The following MED12L variants were observed in gnomAD, a reference collection of about 807,000 sequenced individuals.
The protein encoded by MED12L is mediator complex subunit 12L.
Under a neutral mutation model 281.3 loss-of-function variants are expected in MED12L, and 60 were observed. The ratio of observed to expected loss-of-function variants is 0.21; its 90% CI spans 0.17 to 0.26. The LOEUF (loss-of-function observed/expected upper bound fraction) is 0.26, where lower values mean the gene tolerates loss of function less well. Ranked by LOEUF, MED12L falls within the 10% of genes least tolerant of loss-of-function variation. The pLI is 1.00. For missense variants in MED12L, 2,146 were observed against 2,680.9 expected (o/e 0.80, Z 4.41); for synonymous variants, 974 against 987.2 (o/e 0.99, Z 0.25).
At chr3:151,166,027 T>C (rs1463701737) in intron 11 of MED12L, 45 bp downstream of exon 11, 1 of 1,532,858 alleles carries the variant, frequency 6.5e-7, no homozygotes, top group African/African-American at 1.4e-5. Flanking sequence ...ATTTTCATAG[T>C]GTTTTTTTCT....
chr3:151,357,433 T>C lies in MED12L; in HGVS notation c.2825+57T>C. 6 of 1,451,398 alleles carry C rather than the reference T, an allele frequency of 4.1e-6. No individual in the cohort carries two copies. The South Asian group carries it at 8.6e-5, about 21-fold the overall frequency. 89.9% of individuals were successfully genotyped at this position (1,451,398 alleles called of 1,614,324 possible). On this transcript the variant is annotated intron_variant, in intron 20 of 44. Transcript: ENST00000687756. The stretch of plus-strand genomic sequence containing the variant: ...CAATCTCAGAATGTATAACTAGTGA[T>C]GAAATATTATAGTGGCTTTAAAAGA...
intron 2 of MED12L, among the ~76,000 whole-genome samples, chr3:151,106,725 T>G (rs965707826): frequency 1.3e-5 from 2 of 152,244 alleles, no homozygotes; most frequent in Non-Finnish European, 2.9e-5. Flanking sequence ...ATGATTGTTA[T>G]GCCTTTCTGA....
chr3:151,375,302 G>C (rs1048571510), intron 27 of MED12L, among the ~76,000 whole-genome samples: 1 of 152,150 alleles, frequency 6.6e-6, no homozygotes, highest in Admixed American at 6.5e-5. Context: ...GACTTCACCC[G>C]AAATAGATCT....
intron 26 of MED12L, among the ~76,000 whole-genome samples, chr3:151,372,045 A>G (rs1756251694): frequency 6.6e-6 from 1 of 152,184 alleles, no homozygotes; most frequent in Non-Finnish European, 1.5e-5. Context: ...CTTAGTATGC[A>G]TTGCCCTTTT....
intron 2 of MED12L, among the ~76,000 whole-genome samples, chr3:151,091,458 C>CT (rs1217512541): frequency 1.3e-5 from 2 of 152,204 alleles, no homozygotes; most frequent in African/African-American, 4.8e-5. Context: ...TGGTGCTGGT[C>CT]TAGGGCCCCA....
intron 16 of MED12L, among the ~76,000 whole-genome samples, chr3:151,242,943 C>A (rs1284795844): frequency 6.6e-6 from 1 of 151,264 alleles, no homozygotes; most frequent in Non-Finnish European, 1.5e-5. Context: ...AGCTGAAAAC[C>A]AAGGCTCGAG....
intron 16 of MED12L, among the ~76,000 whole-genome samples, chr3:151,335,790 C>T (rs1750903890): frequency 6.6e-6 from 1 of 152,134 alleles, no homozygotes; most frequent in South Asian, 2.1e-4. Flanking sequence ...AAAGATATCC[C>T]AGCAAAGTGT....
chr3:151,273,571 G>A (rs972270078), intron 16 of MED12L, among the ~76,000 whole-genome samples: 4 of 151,858 alleles, frequency 2.6e-5, no homozygotes, highest in Admixed American at 6.6e-5. Flanking sequence ...TTACTGTTCT[G>A]GGTAATTTAT....
In MED12L at chr3:151,164,062, G is replaced by T. The variant is rs1720360888; in HGVS notation, c.1257+20G>T. 2 of 1,609,402 alleles carry T rather than the reference G, an allele frequency of 1.2e-6. No homozygotes were observed. ...CAGCAGGTAGACTTTATGTTTCAGT[G>T]ATTTGATGGCTGTTTTCATTCTTGA... On this transcript the variant is annotated intron_variant, in intron 9 of 44. Coordinates refer to ENST00000687756, the MANE Select transcript of MED12L (RefSeq NM_001393769.1).
intron 43 of MED12L, among the ~76,000 whole-genome samples, chr3:151,418,230 C>CT (rs887741585): frequency 1.2e-4 from 18 of 150,042 alleles, no homozygotes; most frequent in Middle Eastern, 3.5e-3. Flanking sequence ...AGTACTTTCA[C>CT]TTTTTTTTTT....
rs747236098 is a variant in MED12L, at chr3:151,159,981, C to T, written c.987C>T (p.Ile329=). The T allele has an allele frequency of 1.9e-5, 30 of 1,614,094 alleles. No individual in the cohort carries two copies. The highest frequency in any genetic ancestry group is 1.8e-4 in the East Asian group (8 of 44,894). Residue 329 remains isoleucine, a synonymous_variant, in exon 8 of 45, where the codon ATC becomes ATT. Coordinates refer to ENST00000687756, the MANE Select transcript of MED12L (RefSeq NM_001393769.1). ...HMMIGPNNSS[I]GAPSPGPPGP... is the part of the protein sequence containing the mutation. ...TGATAGGACCAAACAACTCGAGTAT[C>T]GGGGCCCCCAGCCCTGGCCCCCCCG...
At chr3:151,213,422 A>G (rs1313375743) in intron 16 of MED12L, 2 of 1,614,056 alleles carry the variant, frequency 1.2e-6, no homozygotes, top group Non-Finnish European at 1.7e-6. Context: ...AACGGCTGGC[A>G]TAGAAAGAAA....
intron 2 of MED12L, among the ~76,000 whole-genome samples, chr3:151,091,075 C>G (rs1262746077): frequency 6.6e-6 from 1 of 152,016 alleles, no homozygotes; most frequent in East Asian, 1.9e-4. Context: ...CAAAAAACAA[C>G]AGAAAAAGAG....
chr3:151,330,242 CCACTTT>C (rs1239802197), intron 16 of MED12L, among the ~76,000 whole-genome samples: 4 of 152,140 alleles, frequency 2.6e-5, no homozygotes, highest in Non-Finnish European at 5.9e-5. Context: ...AAAATGTTAG[CCACTTT>C]TAGTGGCTTT....
intron 16 of MED12L, among the ~76,000 whole-genome samples, chr3:151,348,295 C>T (rs1752774865): frequency 6.7e-6 from 1 of 148,296 alleles, no homozygotes; most frequent in Non-Finnish European, 1.5e-5. Context: ...TATTAGTGCC[C>T]CCCTGTTTCC....
intron 16 of MED12L, among the ~76,000 whole-genome samples, chr3:151,297,667 T>C (rs1745288691): frequency 6.6e-6 from 1 of 152,202 alleles, no homozygotes; most frequent in Admixed American, 6.5e-5. Context: ...ATACCTATCG[T>C]GGAGTGCAAG....
At chr3:151,086,376 G>C (rs1020467214) in intron 1 of MED12L, 1 of 153,146 alleles carries the variant, frequency 6.5e-6, no homozygotes, top group Non-Finnish European at 1.5e-5. Context: ...TCCCTGCCGG[G>C]GAAGAGAGGC....
chr3:151,244,797 A>G lies in MED12L; in HGVS notation c.2250+51131A>G, dbSNP rs190908595. On this transcript the variant is annotated intron_variant, in intron 16 of 44. Coordinates refer to ENST00000687756, the MANE Select transcript of MED12L (RefSeq NM_001393769.1). ...CAGAACTCAAGGAAATAGAGTCACA[A>G]AAAACCCTTCAAAAAATTAATGAAT... Among the ~76,000 whole-genome samples the G allele has an allele frequency of 2.6e-4, 39 of 152,358 alleles. No homozygotes were observed. The East Asian group carries it at 6.5e-3, about 26-fold the overall frequency.
intron 16 of MED12L, among the ~76,000 whole-genome samples, chr3:151,278,996 A>G (rs929693017): frequency 1.3e-5 from 2 of 152,206 alleles, no homozygotes; most frequent in African/African-American, 2.4e-5. Context: ...CTGTGTTACT[A>G]TTTTGAAAGT....
Sources: gnomAD v4.1 joint callset for allele counts (sites outside exome capture counted in the v4.1 genomes callset) on GRCh38, gnomAD v4.1.1 for gene constraint, MANE v1.5 for transcripts, NCBI Gene and HGNC (gene_info 2026-07-23, HGNC 2026-07-21) for gene names.